ZDHHC17: variants seen among roughly 807,000 people sequenced by gnomAD.
The protein encoded by ZDHHC17 is palmitoyltransferase ZDHHC17.
Under a neutral mutation model 90.3 loss-of-function variants are expected in ZDHHC17, and 40 were observed. The ratio of observed to expected loss-of-function variants is 0.44; its 90% CI spans 0.34 to 0.58. ZDHHC17 has a LOEUF of 0.58. Ranked by LOEUF, ZDHHC17 falls within the 20% of genes least tolerant of loss-of-function variation. The pLI is 0.01. For missense variants in ZDHHC17, 614 were observed against 780.8 expected (o/e 0.79, Z 2.55); for synonymous variants, 235 against 252.4 (o/e 0.93, Z 0.65).
At chr12:76,774,928 T>C (rs1300659148) in intron 1 of ZDHHC17, among the ~76,000 whole-genome samples, 1 of 152,216 alleles carries the variant, frequency 6.6e-6, no homozygotes, top group Non-Finnish European at 1.5e-5. Flanking sequence ...CCTTTTCTGT[T>C]TCTTTTTTGA....
chr12:76,802,991 C>T (rs761026488), intron 2 of ZDHHC17, among the ~76,000 whole-genome samples: 5 of 152,088 alleles, frequency 3.3e-5, no homozygotes, highest in Non-Finnish European at 7.4e-5. Flanking sequence ...GTGGCTGACA[C>T]CTGTAATCCC....
intron 10 of ZDHHC17, among the ~76,000 whole-genome samples, chr12:76,829,963 G>A (rs1306935590): frequency 6.6e-6 from 1 of 152,140 alleles, no homozygotes; most frequent in East Asian, 1.9e-4. Context: ...AAGCAGCTGG[G>A]ACTACAGGCG....
chr12:76,797,496 T>C lies in ZDHHC17; in HGVS notation c.156T>C (p.His52=), dbSNP rs760426848. 4 of 1,611,626 alleles carry C rather than the reference T, an allele frequency of 2.5e-6. No homozygotes were observed. The highest frequency in any genetic ancestry group is 3.4e-6 in the Non-Finnish European group (4 of 1,178,794). The change falls in exon 2 of 17, where the codon CAT becomes CAC. Residue 52 remains histidine (H), a synonymous_variant. Coordinates refer to ENST00000426126, the MANE Select transcript of ZDHHC17 (RefSeq NM_015336.4). ...GTGAACCTCTTGGACGGAAAACTCATATTGATGATTACAGCACATGGGACA... is the reference window on the plus strand; with the variant it reads ...GTGAACCTCTTGGACGGAAAACTCACATTGATGATTACAGCACATGGGACA... The part of the protein sequence containing the change: ...GYGEPLGRKT[H]IDDYSTWDIV...
intron 10 of ZDHHC17, among the ~76,000 whole-genome samples, chr12:76,831,024 G>T (rs559546888): frequency 2.7e-4 from 40 of 150,080 alleles, no homozygotes; most frequent in Non-Finnish European, 4.5e-4. Flanking sequence ...GAATACTTCT[G>T]CCTTTAAAAT....
At chr12:76,808,863 G>GT (rs2137761053) in intron 3 of ZDHHC17, among the ~76,000 whole-genome samples, 180 bp from the exon 4 acceptor site, 1 of 151,566 alleles carries the variant, frequency 6.6e-6, no homozygotes, top group Non-Finnish European at 1.5e-5. Context: ...AACAAAAGAG[G>GT]TATTTGATAT....
intron 1 of ZDHHC17, among the ~76,000 whole-genome samples, chr12:76,775,550 A>G (rs1315823533): frequency 6.6e-6 from 1 of 152,232 alleles, no homozygotes. Flanking sequence ...TTTTTCAATT[A>G]GTGTAAATAA....
At chr12:76,839,670 G>A (rs1587113) in intron 10 of ZDHHC17, among the ~76,000 whole-genome samples, 92,197 of 151,300 alleles carry the variant, frequency 0.61, 28,085 homozygotes, top group East Asian at 0.67. Flanking sequence ...TACTTGTTTT[G>A]TCTTTAATTC....
chr12:76,788,618 CA>C (rs1592466397), intron 1 of ZDHHC17, among the ~76,000 whole-genome samples: 1 of 147,378 alleles, frequency 6.8e-6, no homozygotes, highest in East Asian at 2.0e-4. Flanking sequence ...ATAAAATGAC[CA>C]AAAGATATGA....
At chr12:76,828,850 G>A (rs1953262105) in intron 10 of ZDHHC17, among the ~76,000 whole-genome samples, 1 of 151,944 alleles carries the variant, frequency 6.6e-6, no homozygotes, top group Non-Finnish European at 1.5e-5. Flanking sequence ...GTGAAGGTTT[G>A]TTGTAGGGAT....
chr12:76,778,845 A>T (rs909989524), intron 1 of ZDHHC17, among the ~76,000 whole-genome samples: 1 of 152,080 alleles, frequency 6.6e-6, no homozygotes, highest in Non-Finnish European at 1.5e-5. Context: ...AACAATGGAA[A>T]TTTTTTTTCT....
intron 1 of ZDHHC17, among the ~76,000 whole-genome samples, chr12:76,765,796 G>T (rs1455309461): frequency 1.3e-5 from 2 of 152,160 alleles, no homozygotes; most frequent in African/African-American, 2.4e-5. Context: ...TACCTCCAGG[G>T]CTCAAGTGAT....
intron 1 of ZDHHC17, among the ~76,000 whole-genome samples, chr12:76,791,156 T>C (rs545515782): frequency 1.3e-5 from 2 of 152,308 alleles, no homozygotes; most frequent in Admixed American, 1.3e-4. Flanking sequence ...GAGTCTGTCT[T>C]GAGTATAGTG....
chr12:76,822,294 C>G, intron 7 of ZDHHC17, 112 bp from the exon 8 acceptor site: 1 of 1,390,318 alleles, frequency 7.2e-7, no homozygotes, highest in Non-Finnish European at 9.8e-7. Context: ...TACACAATGT[C>G]AAAACAACGT....
At chr12:76,779,459 C>G (rs753125039) in intron 1 of ZDHHC17, among the ~76,000 whole-genome samples, 6 of 152,094 alleles carry the variant, frequency 3.9e-5, no homozygotes, top group Non-Finnish European at 8.8e-5. Context: ...TGCAGGGGAA[C>G]TCCCATTTAT....
At chr12:76,824,664 A>G (rs1953208641) in intron 8 of ZDHHC17, among the ~76,000 whole-genome samples, 2 of 152,096 alleles carry the variant, frequency 1.3e-5, no homozygotes, top group African/African-American at 2.4e-5. Context: ...ATATTTTTGA[A>G]TACTGCTGGT....
intron 1 of ZDHHC17, among the ~76,000 whole-genome samples, chr12:76,778,544 G>A (rs1952587445): frequency 6.6e-6 from 1 of 152,176 alleles, no homozygotes; most frequent in Admixed American, 6.5e-5. Context: ...ACTAGGCCAA[G>A]ATGGAGGGCT....
At chr12:76,768,209 A>G (rs1267264877) in intron 1 of ZDHHC17, among the ~76,000 whole-genome samples, 1 of 152,212 alleles carries the variant, frequency 6.6e-6, no homozygotes, top group African/African-American at 2.4e-5. Context: ...TTTTATTGAA[A>G]TGAAAGAAAT....
chr12:76,782,333 A>C (rs1952636344), intron 1 of ZDHHC17, among the ~76,000 whole-genome samples: 1 of 152,188 alleles, frequency 6.6e-6, no homozygotes, highest in Non-Finnish European at 1.5e-5. Flanking sequence ...AATTCTTGGG[A>C]AAAGTATGAT....
At chr12:76,787,214 G>C (rs1952697308) in intron 1 of ZDHHC17, among the ~76,000 whole-genome samples, 1 of 152,148 alleles carries the variant, frequency 6.6e-6, no homozygotes, top group African/African-American at 2.4e-5. Context: ...TGGTAGAGAA[G>C]GGAGGTCAAG....
Sources: gnomAD v4.1 joint callset for allele counts (sites outside exome capture counted in the v4.1 genomes callset) on GRCh38, gnomAD v4.1.1 for gene constraint, MANE v1.5 for transcripts, NCBI Gene and HGNC (gene_info 2026-07-23, HGNC 2026-07-21) for gene names.